The following SUMF1 variants were observed in gnomAD, a reference collection of about 807,000 sequenced individuals.
SUMF1 encodes sulfatase modifying factor 1.
In SUMF1, 48 loss-of-function variants were observed where a neutral mutation model predicts 47.6. The ratio of observed to expected loss-of-function variants is 1.01; its 90% confidence interval spans 0.80 to 1.28. SUMF1 has a LOEUF of 1.28. Among genes scored for constraint, SUMF1 ranks in the 50% most tolerant of loss-of-function variants. SUMF1 has a pLI of 0.00. For synonymous variants in SUMF1, 230 were observed against 192.1 expected, an observed-to-expected ratio of 1.20 and a Z score of -1.63; for missense variants, 571 against 485.4, an observed-to-expected ratio of 1.18 and a Z score of -1.66.
intron 3 of SUMF1, among the ~76,000 whole-genome samples, chr3:4,424,070 T>G (rs1416166400): frequency 1.3e-5 from 2 of 152,180 alleles, no homozygotes; most frequent in African/African-American, 4.8e-5. Flanking sequence ...CAGGAACAGC[T>G]TAATACAAAA....
At chr3:4,351,079 A>G (rs1699490869) in intron 8 of SUMF1, among the ~76,000 whole-genome samples, 1 of 152,238 alleles carries the variant, frequency 6.6e-6, no homozygotes, top group African/African-American at 2.4e-5. Context: ...TGGCTCCACA[A>G]GAGATTGTTC....
In SUMF1 at chr3:4,146,204, G is replaced by A. The variant is rs535938020; in HGVS notation, c.1015-77459C>T. Among the ~76,000 whole-genome samples the A allele has an allele frequency of 8.5e-5, 13 of 152,152 alleles. No homozygotes were observed. The South Asian group carries it at 2.7e-3, about 32-fold the overall frequency. ...TCAAAGAAAACCTGGGGAAAAGAGGGGTGGATGAAAGAGGAAAGGAAACAA... is the reference window on the plus strand; with the variant it reads ...TCAAAGAAAACCTGGGGAAAAGAGGAGTGGATGAAAGAGGAAAGGAAACAA... On this transcript the variant is annotated intron_variant and NMD_transcript_variant, in intron 8 of 12. Coordinates refer to the SUMF1 transcript ENST00000448413.
chr3:4,233,399 G>A (rs1020592406), intron 8 of SUMF1, among the ~76,000 whole-genome samples: 1 of 151,836 alleles, frequency 6.6e-6, no homozygotes, highest in Non-Finnish European at 1.5e-5. Context: ...CTTTTTTTAT[G>A]AGCCGTTTTC....
At chr3:4,083,226 G>A (rs1452142944) in intron 8 of SUMF1, among the ~76,000 whole-genome samples, 2 of 152,162 alleles carry the variant, frequency 1.3e-5, no homozygotes, top group African/African-American at 2.4e-5. Context: ...TTCAAACTTT[G>A]TTGGCGGCTA....
chr3:4,266,128 T>C (rs1452559463), intron 8 of SUMF1, among the ~76,000 whole-genome samples: 6 of 152,240 alleles, frequency 3.9e-5, no homozygotes, highest in Admixed American at 6.5e-5. Flanking sequence ...TTTTGGTTAC[T>C]GTAGCCTTGT....
intron 8 of SUMF1, among the ~76,000 whole-genome samples, chr3:4,262,981 A>T (rs981056937): frequency 2.0e-5 from 3 of 152,212 alleles, no homozygotes; most frequent in African/African-American, 7.2e-5. Flanking sequence ...GCTCTATGAG[A>T]GGGGGCAATT....
intron 3 of SUMF1, among the ~76,000 whole-genome samples, chr3:4,446,977 T>C (rs1381591423): frequency 6.6e-6 from 1 of 152,098 alleles, no homozygotes; most frequent in Admixed American, 6.5e-5. Context: ...CAAAGAAGTG[T>C]CTACTTTGAG....
At chr3:4,384,280 C>A (rs1172861120) in intron 7 of SUMF1, among the ~76,000 whole-genome samples, 1 of 152,104 alleles carries the variant, frequency 6.6e-6, no homozygotes. Flanking sequence ...TATGGGTAAC[C>A]GTTGATTCAC....
chr3:4,138,394 A>G (rs1693994469), intron 8 of SUMF1, among the ~76,000 whole-genome samples: 2 of 152,128 alleles, frequency 1.3e-5, no homozygotes, highest in Non-Finnish European at 2.9e-5. Flanking sequence ...TGACCACTGG[A>G]CAGTGAACAC....
intron 8 of SUMF1, among the ~76,000 whole-genome samples, chr3:4,292,163 GT>G (rs1384983481): frequency 6.6e-6 from 1 of 152,176 alleles, no homozygotes; most frequent in Admixed American, 6.5e-5. Flanking sequence ...AATTAGCACA[GT>G]TTTTTAATGC....
chr3:4,222,045 T>C (rs1696078723), intron 8 of SUMF1, among the ~76,000 whole-genome samples: 1 of 152,080 alleles, frequency 6.6e-6, no homozygotes, highest in Non-Finnish European at 1.5e-5. Context: ...GAAAATATCA[T>C]ATTGCTAAAA....
At chr3:4,110,098 T>C (rs1693257579) in intron 8 of SUMF1, among the ~76,000 whole-genome samples, 1 of 152,032 alleles carries the variant, frequency 6.6e-6, no homozygotes, top group Admixed American at 6.5e-5. Context: ...TACAGATGGG[T>C]TTTTGGTGTG....
At chr3:4,449,600 C>T (rs1159289181) in intron 2 of SUMF1, among the ~76,000 whole-genome samples, 5 of 152,192 alleles carry the variant, frequency 3.3e-5, no homozygotes, top group Non-Finnish European at 5.9e-5. Context: ...CTTTTGAGAA[C>T]GTGACTGTTC....
intron 8 of SUMF1, among the ~76,000 whole-genome samples, chr3:4,368,608 C>A (rs1033574951): frequency 6.6e-6 from 1 of 152,150 alleles, no homozygotes; most frequent in African/African-American, 2.4e-5. Context: ...CCATGACAGA[C>A]TGGATTAAGA....
chr3:4,386,733 T>C (rs1012518795), intron 7 of SUMF1, among the ~76,000 whole-genome samples: 14 of 152,216 alleles, frequency 9.2e-5, no homozygotes, highest in Admixed American at 5.9e-4. Context: ...ATGGTAGGTA[T>C]ACAGTTTCTT....
At chr3:4,412,842 T>C (rs1031838917) in intron 6 of SUMF1, among the ~76,000 whole-genome samples, 2 of 152,114 alleles carry the variant, frequency 1.3e-5, no homozygotes, top group Non-Finnish European at 2.9e-5. Flanking sequence ...TGAGCCAAGA[T>C]GGCACCACTG....
At chr3:4,245,124 A>G (rs752001150) in intron 8 of SUMF1, among the ~76,000 whole-genome samples, 1 of 151,962 alleles carries the variant, frequency 6.6e-6, no homozygotes, top group Non-Finnish European at 1.5e-5. Context: ...TGGTTATTCT[A>G]GCTAGCCATT....
chr3:4,215,568 T>C (rs913976233), intron 8 of SUMF1, among the ~76,000 whole-genome samples: 1 of 152,046 alleles, frequency 6.6e-6, no homozygotes, highest in Non-Finnish European at 1.5e-5. Flanking sequence ...GAGAAAGAAA[T>C]AAAGGTATTC....
At chr3:4,078,713 C>G (rs1465377166) in intron 8 of SUMF1, among the ~76,000 whole-genome samples, 5 of 151,598 alleles carry the variant, frequency 3.3e-5, no homozygotes, top group African/African-American at 1.2e-4. Context: ...TTGAGTCCAT[C>G]CTGGGCAACA....
Sources: allele counts gnomAD v4.1 joint callset (sites outside exome capture counted in the v4.1 genomes callset), GRCh38; gene constraint gnomAD v4.1.1; transcripts MANE v1.5; gene names NCBI Gene and HGNC (gene_info 2026-07-23, HGNC 2026-07-21).